Variants in ZBTB20 observed in about 807,000 individuals in gnomAD.
ZBTB20 encodes zinc finger and BTB domain-containing protein 20.
ZBTB20 carries 9 observed loss-of-function variants against 56.9 expected under a neutral mutation model. The observed-to-expected ratio is 0.16, with a 90% CI of 0.10 to 0.28. The LOEUF is 0.28. ZBTB20 is among the 10% of genes least tolerant of loss of function. The pLI is 1.00. For synonymous variants in ZBTB20, 417 were observed against 420.7 expected, an observed-to-expected ratio of 0.99 and a Z score of 0.11; for missense variants, 655 against 1,003.0, an observed-to-expected ratio of 0.65 and a Z score of 4.69.
chr3:114,451,230 T>C lies in ZBTB20; in HGVS notation c.-255+49122A>G, dbSNP rs2091588318. 1.3e-5 allele frequency among the ~76,000 whole-genome samples: 2 copies of C among 151,104 alleles called. 1 individual carries two copies. The highest frequency in any genetic ancestry group is 1.3e-4 in the Admixed American group (2 of 15,172). On this transcript the variant is annotated intron_variant, in intron 7 of 11. Coordinates refer to ENST00000675478, the MANE Select transcript of ZBTB20 (RefSeq NM_001348800.3). ...CAAAAAAAAAAAAAAAATCAACGAT[T>C]AAAAAAAGTTTATTAAAGTGAAACT... is the stretch of plus-strand genomic sequence containing the variant.
At chr3:114,791,349 C>T (rs564763929) in intron 5 of ZBTB20, among the ~76,000 whole-genome samples, 2 of 152,124 alleles carry the variant, frequency 1.3e-5, no homozygotes, top group Admixed American at 6.6e-5. Flanking sequence ...TGAGAGCTTT[C>T]CATGCAAACT....
chr3:114,601,399 A>T (rs1378281048), intron 6 of ZBTB20, among the ~76,000 whole-genome samples: 1 of 152,102 alleles, frequency 6.6e-6, no homozygotes, highest in Non-Finnish European at 1.5e-5. Flanking sequence ...TGCTGTAAGC[A>T]GACGATAGAA....
At position 114,331,136 on chromosome 3, in the gene ZBTB20, T is replaced by TGTGTGC. The variant is rs961722166; in HGVS notation, c.*7868_*7869insGCACAC. Reference sequence around the variant, plus strand: ...GTGTGTGTGTGTGTGTGTGTGTGTGTGCACACTGCATTGCATAGAGGAAAG... The same window carrying TGTGTGC: ...GTGTGTGTGTGTGTGTGTGTGTGTGTGTGTGCGCACACTGCATTGCATAGAGGAAAG... On this transcript the variant is annotated 3_prime_UTR_variant, in exon 12 of 12. Transcript: ENST00000675478. 3 of 151,148 alleles carry TGTGTGC rather than the reference T, an allele frequency of 2.0e-5. No individual in the cohort carries two copies. The highest frequency in any genetic ancestry group is 7.5e-5 in the African/African-American group (3 of 40,240). 9.4% of individuals were successfully genotyped at this position (151,148 alleles called of 1,614,324 possible). A position where few individuals can be genotyped will look rare whatever the true frequency, so the allele number is the denominator to read the frequency against.
intron 6 of ZBTB20, among the ~76,000 whole-genome samples, chr3:114,682,243 G>A (rs1276069825): frequency 6.6e-6 from 1 of 151,838 alleles, no homozygotes; most frequent in Non-Finnish European, 1.5e-5. Context: ...ATATGCACAG[G>A]AAAAAAAATG....
At chr3:114,911,239 G>A (rs1256585461) in intron 3 of ZBTB20, among the ~76,000 whole-genome samples, 1 of 151,956 alleles carries the variant, frequency 6.6e-6, no homozygotes, top group Non-Finnish European at 1.5e-5. Context: ...CCACATGACA[G>A]ACTTGCCAAT....
intron 2 of ZBTB20, among the ~76,000 whole-genome samples, chr3:115,000,186 C>A (rs2079192157): frequency 6.6e-6 from 1 of 151,380 alleles, no homozygotes; most frequent in Admixed American, 6.6e-5. Flanking sequence ...GAGGCAAATT[C>A]TTCTGGTTTT....
chr3:114,887,549 G>A (rs2107614461), intron 4 of ZBTB20, among the ~76,000 whole-genome samples: 1 of 152,252 alleles, frequency 6.6e-6, no homozygotes, highest in South Asian at 2.1e-4. Flanking sequence ...AGGGGAAGGT[G>A]CTGTAAAGAT....
At position 114,332,650 on chromosome 3, in the gene ZBTB20, C is replaced by G. The variant is rs1010909760; in HGVS notation, c.*6355G>C. The G allele has an allele frequency of 4.6e-5, 7 of 152,190 alleles. No individual in the cohort carries two copies. The highest frequency in any genetic ancestry group is 8.8e-5 in the Non-Finnish European group (6 of 68,038). 9.4% of individuals were successfully genotyped at this position (152,190 alleles called of 1,614,324 possible). On this transcript the variant is annotated 3_prime_UTR_variant, in exon 12 of 12. Transcript: ENST00000675478. ...GTAACTATTAAACAGCAAGAAATGC[C>G]TATAACTTCAGAGCCTTCTCATTTC...
At chr3:114,603,949 G>A (rs1166907515) in intron 6 of ZBTB20, among the ~76,000 whole-genome samples, 1 of 151,904 alleles carries the variant, frequency 6.6e-6, no homozygotes, top group Non-Finnish European at 1.5e-5. Context: ...TGCCAATGGA[G>A]CTGCTAATTG....
intron 5 of ZBTB20, among the ~76,000 whole-genome samples, chr3:114,734,345 G>A (rs773218532): frequency 1.3e-5 from 2 of 151,928 alleles, no homozygotes; most frequent in African/African-American, 2.4e-5. Flanking sequence ...CAGCTTTCAT[G>A]CAGGCCTCTA....
At position 114,338,808 on chromosome 3, in the gene ZBTB20, C is replaced by T. The variant is rs1560090341; in HGVS notation, c.*197G>A. 5.3e-6 allele frequency: 3 copies of T among 561,886 alleles called. No homozygotes were observed. Among genetic ancestry groups the T allele is most frequent in the Non-Finnish European group, 8.6e-6 (3 of 350,364 alleles). 34.8% of individuals were successfully genotyped at this position (561,886 alleles called of 1,614,324 possible). A position where few individuals can be genotyped will look rare whatever the true frequency, so the allele number is the denominator to read the frequency against. ...GAGACTGGGAAAACTATTATTCACC[C>T]AAGCCTCCGGAAATGTAATGTACCA... is the stretch of plus-strand genomic sequence containing the variant. On this transcript the variant is annotated 3_prime_UTR_variant, in exon 12 of 12. Coordinates refer to ENST00000675478, the MANE Select transcript of ZBTB20 (RefSeq NM_001348800.3).
At chr3:114,956,648 C>G (rs2077257586) in intron 3 of ZBTB20, among the ~76,000 whole-genome samples, 1 of 152,158 alleles carries the variant, frequency 6.6e-6, no homozygotes, top group South Asian at 2.1e-4. Context: ...TTTTGACAAG[C>G]TATATCTGGA....
intron 1 of ZBTB20, among the ~76,000 whole-genome samples, chr3:115,126,246 C>T (rs2084329496): frequency 6.6e-6 from 1 of 152,084 alleles, no homozygotes; most frequent in African/African-American, 2.4e-5. Flanking sequence ...ATATTTTATA[C>T]AATGCTGGTG....
intron 6 of ZBTB20, among the ~76,000 whole-genome samples, chr3:114,679,444 A>AAC (rs1266312815): frequency 6.6e-6 from 1 of 152,220 alleles, no homozygotes; most frequent in Non-Finnish European, 1.5e-5. Flanking sequence ...ACAAGAATAA[A>AAC]ACAAATAACC....
intron 3 of ZBTB20, among the ~76,000 whole-genome samples, chr3:114,951,383 G>T (rs2077062503): frequency 6.6e-6 from 1 of 152,062 alleles, no homozygotes; most frequent in Non-Finnish European, 1.5e-5. Context: ...AAATACTAAT[G>T]AGAGCACAGA....
Position 114,401,761 on chromosome 3 carries a change from A to G in ZBTB20, c.-254-12656T>C, listed in dbSNP as rs528805365. Among the ~76,000 whole-genome samples, 11 of 152,244 alleles carry G rather than the reference A, an allele frequency of 7.2e-5. No homozygotes were observed. The South Asian group carries it at 1.7e-3, about 23-fold the overall frequency. ...AAGGTGGCTACTGAAATAAAAAAAA[A>G]TAATAGGAGAGGCTGAAAAATGATT... On this transcript the variant is annotated intron_variant, in intron 7 of 11. Transcript: ENST00000675478.
At chr3:115,017,896 T>C (rs1437819086) in intron 2 of ZBTB20, among the ~76,000 whole-genome samples, 4 of 151,514 alleles carry the variant, frequency 2.6e-5, no homozygotes, top group South Asian at 2.1e-4. Context: ...ATCACACAAA[T>C]ATATGAATAT....
At chr3:115,127,926 G>A (rs551281004) in intron 1 of ZBTB20, among the ~76,000 whole-genome samples, 41 of 152,178 alleles carry the variant, frequency 2.7e-4, no homozygotes, top group African/African-American at 9.9e-4. Flanking sequence ...AGAGAAGATC[G>A]CTTTGGTTTC....
chr3:114,869,656 T>C (rs1395569992), intron 4 of ZBTB20, among the ~76,000 whole-genome samples: 1 of 152,214 alleles, frequency 6.6e-6, no homozygotes, highest in Non-Finnish European at 1.5e-5. Flanking sequence ...ACAAGCCTAT[T>C]TCCTTATCTA....
Sources: allele counts gnomAD v4.1 joint callset (sites outside exome capture counted in the v4.1 genomes callset), GRCh38; gene constraint gnomAD v4.1.1; transcripts MANE v1.5; gene names NCBI Gene and HGNC (gene_info 2026-07-23, HGNC 2026-07-21).